MUC7: variants seen among roughly 807,000 people sequenced by gnomAD.
MUC7 encodes the protein mucin 7, secreted.
MUC7 carries 2 observed loss-of-function variants against 2.5 expected under a neutral mutation model. The ratio of observed to expected loss-of-function variants is 0.81; its 90% CI spans 0.33 to 2.55. The LOEUF is 2.55. Ranked by LOEUF, MUC7 falls within the 30% of genes most tolerant of loss-of-function variation. MUC7 has a pLI of 0.11. For missense variants in MUC7, 408 were observed against 455.6 expected (o/e 0.90, Z 0.95); for synonymous variants, 133 against 173.4 (o/e 0.77, Z 1.83).
chr4:70,437,126 G>C (rs973922348), intron 1 of MUC7, among the ~76,000 whole-genome samples: 8 of 152,182 alleles, frequency 5.3e-5, no homozygotes, highest in African/African-American at 1.9e-4. Flanking sequence ...CCCCTACCGG[G>C]AGATGTCTTC....
At position 70,476,602 on chromosome 4, in the gene MUC7, C is replaced by T. The variant is rs961061930; in HGVS notation, c.54+2527C>T. On this transcript the variant is annotated intron_variant, in intron 2 of 2. Coordinates refer to ENST00000304887, the MANE Select transcript of MUC7 (RefSeq NM_152291.3). ...AGGAGTTCGAGACCAGCCTGGCCAA[C>T]ATGGTGAAACATCGTCTCTACTAAA... Among the ~76,000 whole-genome samples, 3 of 152,252 alleles carry T rather than the reference C, an allele frequency of 2.0e-5. 1 individual carries two copies. Among genetic ancestry groups the T allele is most frequent in the South Asian group, 4.2e-4 (2 of 4,818 alleles).
intron 1 of MUC7, among the ~76,000 whole-genome samples, chr4:70,438,517 C>T (rs752392945): frequency 1.1e-4 from 17 of 152,024 alleles, no homozygotes; most frequent in African/African-American, 2.9e-4. Flanking sequence ...AGTGCAGTGG[C>T]GCAATCTCGG....
chr4:70,473,644 C>T (rs2109740306), intron 1 of MUC7, among the ~76,000 whole-genome samples: 1 of 152,200 alleles, frequency 6.6e-6, no homozygotes, highest in East Asian at 1.9e-4. Flanking sequence ...GATGGTTCCC[C>T]ACAGAGGGGA....
intron 1 of MUC7, among the ~76,000 whole-genome samples, chr4:70,433,114 G>T (rs561322749): frequency 2.0e-5 from 3 of 152,316 alleles, no homozygotes; most frequent in African/African-American, 7.2e-5. Flanking sequence ...CCAGTACCAT[G>T]CTGTTTTGGT....
At chr4:70,468,982 G>T (rs964000209), upstream of MUC7, among the ~76,000 whole-genome samples, 2 of 151,916 alleles carry the variant, frequency 1.3e-5, no homozygotes, top group Non-Finnish European at 2.9e-5. Flanking sequence ...AAACTGGAGG[G>T]ATCATGCTAC....
At chr4:70,453,111 T>C (rs544456898) in intron 1 of MUC7, among the ~76,000 whole-genome samples, 37 of 152,254 alleles carry the variant, frequency 2.4e-4, no homozygotes, top group Non-Finnish European at 4.3e-4. Flanking sequence ...CCAGGCCTGC[T>C]CTAACCTCTC....
intron 1 of MUC7, among the ~76,000 whole-genome samples, chr4:70,438,185 A>G (rs1379126590): frequency 6.6e-6 from 1 of 152,192 alleles, no homozygotes; most frequent in African/African-American, 2.4e-5. Context: ...ATTTCTGTCC[A>G]GGTGCCATTT....
At chr4:70,473,430 C>A (rs1215929222) in intron 1 of MUC7, among the ~76,000 whole-genome samples, 1 of 145,148 alleles carries the variant, frequency 6.9e-6, no homozygotes, top group African/African-American at 2.6e-5. Flanking sequence ...GACAACAGAG[C>A]GAGACTCTGT....
At chr4:70,441,609 G>A (rs1734006984) in intron 1 of MUC7, among the ~76,000 whole-genome samples, 2 of 152,178 alleles carry the variant, frequency 1.3e-5, no homozygotes, top group African/African-American at 4.8e-5. Flanking sequence ...TTGCAAAGAA[G>A]TGTGAAATAT....
chr4:70,431,090 A>G (rs1417196880), intron 1 of MUC7, among the ~76,000 whole-genome samples: 2 of 152,092 alleles, frequency 1.3e-5, no homozygotes, highest in African/African-American at 4.8e-5. Context: ...GTTTACTTAC[A>G]TTTTGGCTAA....
At chr4:70,450,279 A>G (rs569380913) in intron 1 of MUC7, among the ~76,000 whole-genome samples, 12 of 152,210 alleles carry the variant, frequency 7.9e-5, no homozygotes, top group African/African-American at 2.4e-4. Flanking sequence ...AATGTTTCCA[A>G]GGTCTCTTAC....
At chr4:70,432,795 G>C (rs1460837349) in intron 1 of MUC7, among the ~76,000 whole-genome samples, 2 of 152,118 alleles carry the variant, frequency 1.3e-5, no homozygotes, top group African/African-American at 4.8e-5. Context: ...TAGACATGAA[G>C]TCCTTGCCCA....
chr4:70,431,390 A>C (rs975639181), intron 1 of MUC7, among the ~76,000 whole-genome samples: 1 of 152,100 alleles, frequency 6.6e-6, no homozygotes, highest in Non-Finnish European at 1.5e-5. Context: ...CAAACAATAA[A>C]CATCTTCAAA....
Position 70,436,312 on chromosome 4 carries a change from T to C in MUC7, c.-93+5625T>C, listed in dbSNP as rs1254311521. ...AAGAGTGTTTTCTAATTTGGTTCCATTCTCACCATCACTTTAAGGTATACC... is the reference window on the plus strand; with the variant it reads ...AAGAGTGTTTTCTAATTTGGTTCCACTCTCACCATCACTTTAAGGTATACC... On this transcript the variant is annotated intron_variant, in intron 1 of 3. Transcript: ENST00000413702. 2.0e-5 allele frequency among the ~76,000 whole-genome samples: 3 copies of C among 152,226 alleles called. No individual in the cohort carries two copies. The East Asian group carries it at 5.8e-4, about 29-fold the overall frequency.
At chr4:70,458,241 A>T in intron 1 of MUC7, among the ~76,000 whole-genome samples, 1 of 6,406 alleles carries the variant, frequency 1.6e-4, no homozygotes, top group African/African-American at 2.8e-4. Context: ...GATTGATCTA[A>T]AAAAAAAAGA....
chr4:70,459,907 T>G (rs929957878), intron 1 of MUC7, among the ~76,000 whole-genome samples: 1 of 152,236 alleles, frequency 6.6e-6, no homozygotes, highest in Non-Finnish European at 1.5e-5. Context: ...ATTTTCTTTA[T>G]TTGCATTTTA....
chr4:70,475,858 G>T (rs979633509), intron 2 of MUC7, among the ~76,000 whole-genome samples: 1 of 152,212 alleles, frequency 6.6e-6, no homozygotes, highest in Middle Eastern at 3.4e-3. Flanking sequence ...TGAAGTGGAC[G>T]GAATTTACTC....
At chr4:70,466,979 C>T (rs1394871589) in intron 1 of MUC7, among the ~76,000 whole-genome samples, 1 of 152,178 alleles carries the variant, frequency 6.6e-6, no homozygotes, top group Admixed American at 6.5e-5. Context: ...CCACATCATA[C>T]TTATTCTAAA....
upstream of MUC7, among the ~76,000 whole-genome samples, chr4:70,470,533 AT>A (rs1734811291): frequency 6.6e-6 from 1 of 152,224 alleles, no homozygotes; most frequent in Non-Finnish European, 1.5e-5. Flanking sequence ...AGAAAATTAA[AT>A]TTGTTATCTC....
Sources: gnomAD v4.1 joint callset for allele counts (sites outside exome capture counted in the v4.1 genomes callset) on GRCh38, gnomAD v4.1.1 for gene constraint, MANE v1.5 for transcripts, NCBI Gene and HGNC (gene_info 2026-07-23, HGNC 2026-07-21) for gene names.